DIP2C: variants seen among roughly 807,000 people sequenced by gnomAD.
DIP2C encodes the protein DIP2 acetate--CoA ligase C (putative).
DIP2C carries 33 observed loss-of-function variants against 192.4 expected under a neutral mutation model. The ratio of observed to expected loss-of-function variants is 0.17; its 90% CI spans 0.13 to 0.23. The LOEUF (loss-of-function observed/expected upper bound fraction) is 0.23, where lower values mean the gene tolerates loss of function less well. DIP2C is among the 10% of genes least tolerant of loss of function. The pLI, the probability that DIP2C is intolerant of heterozygous loss-of-function variation, is 1.00. For synonymous variants in DIP2C, 979 were observed against 864.1 expected (o/e 1.13, Z -2.33); for missense variants, 1,537 against 2,110.1 (o/e 0.73, Z 5.32).
chr10:303,039 C>T (rs940788146), intron 32 of DIP2C, among the ~76,000 whole-genome samples: 2 of 152,136 alleles, frequency 1.3e-5, no homozygotes, highest in African/African-American at 4.8e-5. Context: ...TGAGCTAAGA[C>T]AACACTGCAC....
intron 29 of DIP2C, among the ~76,000 whole-genome samples, chr10:339,231 GCTTT>G (rs1384121554): frequency 6.6e-6 from 1 of 152,022 alleles, no homozygotes; most frequent in South Asian, 2.1e-4. Context: ...GGACCCAAGT[GCTTT>G]TTTTGTTTTT....
chr10:579,268 C>A (rs1850407463), intron 1 of DIP2C, among the ~76,000 whole-genome samples: 1 of 151,556 alleles, frequency 6.6e-6, no homozygotes, highest in African/African-American at 2.4e-5. Flanking sequence ...TACATGCATA[C>A]AGCATACACA....
chr10:490,822 A>G (rs1297791998), intron 1 of DIP2C, among the ~76,000 whole-genome samples: 3 of 152,180 alleles, frequency 2.0e-5, no homozygotes, highest in Non-Finnish European at 4.4e-5. Context: ...CAGAAGCAGA[A>G]ATTAAAATCA....
At chr10:372,471 A>G (rs1961082619) in intron 17 of DIP2C, among the ~76,000 whole-genome samples, 1 of 152,268 alleles carries the variant, frequency 6.6e-6, no homozygotes, top group African/African-American at 2.4e-5. Flanking sequence ...TGTTTGCTAT[A>G]GGAACTTTTC....
chr10:387,050 G>A (rs1007813135), intron 14 of DIP2C, among the ~76,000 whole-genome samples: 5 of 152,224 alleles, frequency 3.3e-5, no homozygotes, highest in Middle Eastern at 3.4e-3. Context: ...ACTTTCCCCC[G>A]CAGAGTAACA....
At chr10:607,629 G>A (rs1252206491) in intron 1 of DIP2C, among the ~76,000 whole-genome samples, 1 of 152,062 alleles carries the variant, frequency 6.6e-6, no homozygotes, top group Non-Finnish European at 1.5e-5. Flanking sequence ...ACTTACAACG[G>A]GTTCATCCAG....
chr10:476,101 A>G (rs1431290209), intron 2 of DIP2C, among the ~76,000 whole-genome samples: 1 of 152,196 alleles, frequency 6.6e-6, no homozygotes, highest in African/African-American at 2.4e-5. Flanking sequence ...AGGCGTGGTC[A>G]GGGGAGAGAG....
At chr10:330,929 C>T (rs1280346753) in intron 29 of DIP2C, among the ~76,000 whole-genome samples, 1 of 151,434 alleles carries the variant, frequency 6.6e-6, no homozygotes, top group Non-Finnish European at 1.5e-5. Flanking sequence ...CCTCCCACCT[C>T]AGTCCCTGAG....
At chr10:343,068 T>A (rs1230100359) in intron 28 of DIP2C, among the ~76,000 whole-genome samples, 2 of 152,086 alleles carry the variant, frequency 1.3e-5, no homozygotes, top group Non-Finnish European at 2.9e-5. Flanking sequence ...GGCGGGCAGA[T>A]CACAAGGTCA....
intron 1 of DIP2C, among the ~76,000 whole-genome samples, chr10:521,311 G>C (rs1239681714): frequency 6.6e-6 from 1 of 152,154 alleles, no homozygotes; most frequent in Non-Finnish European, 1.5e-5. Flanking sequence ...GGAATGTGAG[G>C]ATTACGAGCA....
rs192848885 is a variant in DIP2C at position 578,730 on chromosome 10, G to A, written c.86-92200C>T. On this transcript the variant is annotated intron_variant, in intron 1 of 36. Transcript: ENST00000280886. ...CACATACTATATGTACATAGGTACA[G>A]TGTAACATGTGTACATGCATAGTGT... 1.6e-3 allele frequency among the ~76,000 whole-genome samples: 238 copies of A among 152,172 alleles called. 4 individuals carry two copies. The South Asian group carries it at 0.018, about 11-fold the overall frequency.
chr10:524,891 A>T (rs1221476036), intron 1 of DIP2C, among the ~76,000 whole-genome samples: 1 of 150,602 alleles, frequency 6.6e-6, no homozygotes, highest in Non-Finnish European at 1.5e-5. Context: ...CAAGAACAGG[A>T]AGATGCCCGT....
At chr10:298,549 C>T (rs1189989402) in intron 32 of DIP2C, among the ~76,000 whole-genome samples, 1 of 152,230 alleles carries the variant, frequency 6.6e-6, no homozygotes, top group Non-Finnish European at 1.5e-5. Context: ...TGCGACACTG[C>T]TGGCCTCATG....
intron 29 of DIP2C, among the ~76,000 whole-genome samples, chr10:339,435 TAA>T (rs1277084714): frequency 1.3e-5 from 2 of 152,152 alleles, no homozygotes; most frequent in Non-Finnish European, 2.9e-5. Flanking sequence ...GACAAACCCT[TAA>T]AGAGTGTATT....
Position 283,266 on chromosome 10 carries a change from T to C in DIP2C, c.4294+6A>G, listed in dbSNP as rs1454720661. ...TTGGGGGGGGGCCGCCAGCCTGGAC[T>C]CTCACCTCCATTTGCATCTGTGAGC... On this transcript the variant is annotated splice_donor_region_variant and intron_variant, in intron 35 of 36. Transcript: ENST00000280886. The C allele has an allele frequency of 6.2e-7, 1 of 1,613,280 alleles. No individual in the cohort carries two copies. Among genetic ancestry groups the C allele is most frequent in the Non-Finnish European group, 8.5e-7 (1 of 1,179,588 alleles).
chr10:348,453 T>TC (rs1162581189), intron 26 of DIP2C, among the ~76,000 whole-genome samples, 188 bp downstream of exon 26: 1 of 152,136 alleles, frequency 6.6e-6, no homozygotes, highest in Non-Finnish European at 1.5e-5. Flanking sequence ...CACACACGTT[T>TC]ACATCTCGCT....
At chr10:585,098 A>T (rs1554746418) in intron 1 of DIP2C, among the ~76,000 whole-genome samples, 1 of 152,228 alleles carries the variant, frequency 6.6e-6, no homozygotes, top group Non-Finnish European at 1.5e-5. Context: ...CTCCAGCAGA[A>T]AGAGCCTTGG....
At chr10:447,042 G>A (rs892299994) in intron 3 of DIP2C, among the ~76,000 whole-genome samples, 3 of 152,212 alleles carry the variant, frequency 2.0e-5, no homozygotes, top group Non-Finnish European at 2.9e-5. Context: ...AAAAGTGTGA[G>A]ATTTTTGTCT....
intron 1 of DIP2C, chr10:661,885 G>C (rs1856783712): frequency 1.6e-6 from 1 of 609,380 alleles, no homozygotes; most frequent in South Asian, 1.9e-5. Context: ...TTCCAGCAAA[G>C]CACAACGCCG....
Sources: allele counts gnomAD v4.1 joint callset (sites outside exome capture counted in the v4.1 genomes callset), GRCh38; gene constraint gnomAD v4.1.1; transcripts MANE v1.5; gene names NCBI Gene and HGNC (gene_info 2026-07-23, HGNC 2026-07-21).